The following HS6ST3 variants were observed in gnomAD, a reference collection of about 807,000 sequenced individuals.
HS6ST3 encodes heparan-sulfate 6-O-sulfotransferase 3.
Under a neutral mutation model 36.7 loss-of-function variants are expected in HS6ST3, and 12 were observed. That is an observed-to-expected ratio of 0.33 (90% CI 0.21 to 0.53). The LOEUF (loss-of-function observed/expected upper bound fraction) is 0.53. HS6ST3 is among the 20% of genes least tolerant of loss of function. The pLI is 0.95. For missense variants in HS6ST3, 584 were observed against 640.9 expected (o/e 0.91, Z 0.96); for synonymous variants, 240 against 257.5 (o/e 0.93, Z 0.65).
At chr13:96,786,837 C>T (rs1392142449) in intron 1 of HS6ST3, among the ~76,000 whole-genome samples, 1 of 150,440 alleles carries the variant, frequency 6.6e-6, no homozygotes, top group African/African-American at 2.5e-5. Context: ...AGATGCAGAA[C>T]AGTTCCATAA....
At chr13:96,103,342 C>T (rs1394051856) in intron 1 of HS6ST3, among the ~76,000 whole-genome samples, 12 of 152,160 alleles carry the variant, frequency 7.9e-5, no homozygotes. Flanking sequence ...TGGGCTTCCT[C>T]ACTTACTCGT....
At chr13:96,418,757 C>G (rs1007416163) in intron 1 of HS6ST3, among the ~76,000 whole-genome samples, 2 of 152,218 alleles carry the variant, frequency 1.3e-5, no homozygotes, top group Non-Finnish European at 2.9e-5. Flanking sequence ...AGAAAACAAG[C>G]TGTCTGAGCT....
At chr13:96,466,346 A>G (rs1309483915) in intron 1 of HS6ST3, among the ~76,000 whole-genome samples, 11 of 152,320 alleles carry the variant, frequency 7.2e-5, no homozygotes, top group Middle Eastern at 3.4e-3. Context: ...TGTATTAACT[A>G]TAGTCACCAT....
intron 1 of HS6ST3, among the ~76,000 whole-genome samples, chr13:96,192,312 A>G (rs570316265): frequency 3.3e-5 from 5 of 152,160 alleles, no homozygotes; most frequent in Non-Finnish European, 5.9e-5. Flanking sequence ...TTTATTTTAG[A>G]TTCAATGGGT....
intron 1 of HS6ST3, among the ~76,000 whole-genome samples, chr13:96,339,718 C>T (rs983828507): frequency 2.6e-5 from 4 of 152,222 alleles, no homozygotes; most frequent in Non-Finnish European, 5.9e-5. Flanking sequence ...TAGGCCTCCC[C>T]AGACCACCCC....
chr13:96,228,936 C>T (rs1270866924), intron 1 of HS6ST3, among the ~76,000 whole-genome samples: 2 of 151,970 alleles, frequency 1.3e-5, no homozygotes, highest in African/African-American at 2.4e-5. Flanking sequence ...TGCGTGTAGG[C>T]GTGGGTGTGA....
At chr13:96,434,230 C>T (rs2055630594) in intron 1 of HS6ST3, among the ~76,000 whole-genome samples, 1 of 152,118 alleles carries the variant, frequency 6.6e-6, no homozygotes, top group Non-Finnish European at 1.5e-5. Context: ...ATAGTATACC[C>T]CCAGGTTGCA....
At chr13:96,346,300 T>A (rs964388271) in intron 1 of HS6ST3, among the ~76,000 whole-genome samples, 2 of 152,140 alleles carry the variant, frequency 1.3e-5, no homozygotes, top group Admixed American at 6.5e-5. Context: ...GCTGGCTGGG[T>A]GCGGTGGCTC....
At chr13:96,129,552 C>T (rs965679028) in intron 1 of HS6ST3, among the ~76,000 whole-genome samples, 2 of 152,104 alleles carry the variant, frequency 1.3e-5, no homozygotes, top group African/African-American at 4.8e-5. Context: ...TGATTGGGAA[C>T]CAGGAATCAA....
At chr13:96,708,567 C>T (rs1875484727) in intron 1 of HS6ST3, among the ~76,000 whole-genome samples, 1 of 152,182 alleles carries the variant, frequency 6.6e-6, no homozygotes, top group Non-Finnish European at 1.5e-5. Flanking sequence ...CCTCATAGAG[C>T]CTCTGTCCTC....
intron 1 of HS6ST3, among the ~76,000 whole-genome samples, chr13:96,392,157 T>C (rs2055399007): frequency 6.6e-6 from 1 of 152,226 alleles, no homozygotes; most frequent in African/African-American, 2.4e-5. Flanking sequence ...CTATTAAGCC[T>C]TTTGTATGTG....
At chr13:96,308,212 T>G (rs2054923085) in intron 1 of HS6ST3, among the ~76,000 whole-genome samples, 2 of 152,124 alleles carry the variant, frequency 1.3e-5, no homozygotes, top group South Asian at 4.1e-4. Flanking sequence ...AGACATTACG[T>G]TAAAAGGAAC....
chr13:96,420,999 C>T (rs559152162), intron 1 of HS6ST3, among the ~76,000 whole-genome samples: 1 of 152,236 alleles, frequency 6.6e-6, no homozygotes, highest in South Asian at 2.1e-4. Flanking sequence ...TATGAAAATG[C>T]AGCCACAAAT....
intron 1 of HS6ST3, among the ~76,000 whole-genome samples, chr13:96,717,349 T>C (rs562806097): frequency 2.0e-5 from 3 of 152,258 alleles, no homozygotes; most frequent in Non-Finnish European, 4.4e-5. Context: ...TAAATTATAC[T>C]CTTAGAGGGA....
At chr13:96,114,337 A>G (rs935453649) in intron 1 of HS6ST3, among the ~76,000 whole-genome samples, 23 of 151,996 alleles carry the variant, frequency 1.5e-4, no homozygotes, top group Non-Finnish European at 2.5e-4. Context: ...TTTTGATGCG[A>G]TGGGATATCG....
intron 1 of HS6ST3, among the ~76,000 whole-genome samples, chr13:96,692,883 G>T (rs1875006967): frequency 1.3e-5 from 2 of 152,048 alleles, no homozygotes; most frequent in Non-Finnish European, 2.9e-5. Context: ...TGTCAGATTG[G>T]TGCTTTTTCT....
intron 1 of HS6ST3, among the ~76,000 whole-genome samples, chr13:96,490,998 T>C (rs1384919701): frequency 6.6e-6 from 1 of 152,208 alleles, no homozygotes. Flanking sequence ...GACTTGAGAC[T>C]GCTTGGGAGC....
intron 1 of HS6ST3, among the ~76,000 whole-genome samples, chr13:96,446,172 CA>C (rs200986173): frequency 0.16 from 15,352 of 97,706 alleles, 878 homozygotes; most frequent in East Asian, 0.27. Flanking sequence ...GACTCCATCT[CA>C]AAAAAAAAAA....
At chr13:96,575,860 A>T (rs2056318739) in intron 1 of HS6ST3, among the ~76,000 whole-genome samples, 1 of 152,250 alleles carries the variant, frequency 6.6e-6, no homozygotes, top group Non-Finnish European at 1.5e-5. Flanking sequence ...AGGCACTGCT[A>T]AATGATGCAC....
Sources: allele counts gnomAD v4.1 joint callset (sites outside exome capture counted in the v4.1 genomes callset), GRCh38; gene constraint gnomAD v4.1.1; transcripts MANE v1.5; gene names NCBI Gene and HGNC (gene_info 2026-07-23, HGNC 2026-07-21).